The following MKLN1 variants were observed in gnomAD, a reference collection of about 807,000 sequenced individuals.
The protein encoded by MKLN1 is muskelin.
In MKLN1, 18 loss-of-function variants were observed where a neutral mutation model predicts 99.0. That is an observed-to-expected ratio of 0.18 (90% CI 0.13 to 0.27). The LOEUF is 0.27. Ranked by LOEUF, MKLN1 falls within the 10% of genes least tolerant of loss-of-function variation. MKLN1 has a pLI of 1.00. For missense variants in MKLN1, 621 were observed against 875.9 expected, an observed-to-expected ratio of 0.71 and a Z score of 3.67; for synonymous variants, 288 against 293.2, an observed-to-expected ratio of 0.98 and a Z score of 0.18.
Position 131,168,595 on chromosome 7 carries a change from CTTAT to C in MKLN1, c.-297+25660_-297+25663del, listed in dbSNP as rs150240518. On this transcript the variant is annotated intron_variant, in intron 2 of 7. Coordinates refer to the MKLN1 transcript ENST00000416992. Reference sequence around the variant, plus strand: ...CACCACCTGACATATTATGTATTTACTTATTTATTATAATATCATGGCTGAGAAA... The same window carrying C: ...CACCACCTGACATATTATGTATTTACTTATTATAATATCATGGCTGAGAAA... Among the ~76,000 whole-genome samples, 394 of 152,204 alleles carry C rather than the reference CTTAT, an allele frequency of 2.6e-3. 13 individuals carry two copies. The East Asian group carries it at 0.066, about 26-fold the overall frequency.
intron 3 of MKLN1, among the ~76,000 whole-genome samples, chr7:131,210,057 A>C (rs1051920528): frequency 6.6e-6 from 1 of 152,256 alleles, no homozygotes; most frequent in Non-Finnish European, 1.5e-5. Context: ...ATTTGTTTAA[A>C]TCTTGTTGTT....
intron 2 of MKLN1, among the ~76,000 whole-genome samples, chr7:131,156,882 A>T (rs759746583): frequency 2.0e-5 from 3 of 152,186 alleles, no homozygotes; most frequent in Non-Finnish European, 2.9e-5. Flanking sequence ...TCTAACCATA[A>T]TCTCAAGGAC....
At chr7:131,199,652 A>G (rs995123743) in intron 2 of MKLN1, among the ~76,000 whole-genome samples, 1 of 152,148 alleles carries the variant, frequency 6.6e-6, no homozygotes, top group African/African-American at 2.4e-5. Flanking sequence ...TTTACTAGTT[A>G]TACCTCTTTT....
chr7:131,246,232 A>C (rs1255108751), intron 3 of MKLN1, among the ~76,000 whole-genome samples: 1 of 152,150 alleles, frequency 6.6e-6, no homozygotes, highest in Non-Finnish European at 1.5e-5. Flanking sequence ...GGCCCTCTGC[A>C]CCCTGCCTTG....
chr7:131,389,924 A>T (rs2116890556), intron 4 of MKLN1, among the ~76,000 whole-genome samples: 1 of 152,162 alleles, frequency 6.6e-6, no homozygotes, highest in South Asian at 2.1e-4. Flanking sequence ...CTTCTAATTT[A>T]TAACCATGTT....
chr7:131,316,449 A>G (rs1000657883), intron 3 of MKLN1, among the ~76,000 whole-genome samples: 8 of 152,194 alleles, frequency 5.3e-5, no homozygotes, highest in African/African-American at 1.9e-4. Context: ...TCCCATCCAA[A>G]TGTCATCAGC....
chr7:131,214,041 A>C (rs1340037920), intron 3 of MKLN1, among the ~76,000 whole-genome samples: 1 of 152,180 alleles, frequency 6.6e-6, no homozygotes, highest in Non-Finnish European at 1.5e-5. Flanking sequence ...TTTTTCTAGA[A>C]GTATAAAGTT....
upstream of MKLN1, among the ~76,000 whole-genome samples, chr7:131,326,555 C>A (rs946083331): frequency 6.6e-6 from 1 of 152,004 alleles, no homozygotes; most frequent in Non-Finnish European, 1.5e-5. Flanking sequence ...ATGTTGGCCA[C>A]GCTGGTTTCG....
intron 1 of MKLN1, among the ~76,000 whole-genome samples, chr7:131,127,845 A>G (rs1176325162): frequency 6.6e-6 from 1 of 152,220 alleles, no homozygotes; most frequent in Non-Finnish European, 1.5e-5. Context: ...TGGGTTTGGG[A>G]TCACAGATCA....
chr7:131,135,436 G>A (rs1271753500), intron 1 of MKLN1, among the ~76,000 whole-genome samples: 12 of 152,128 alleles, frequency 7.9e-5, no homozygotes, highest in African/African-American at 1.4e-4. Context: ...CCACTTCCGC[G>A]TCAGGAGTTT....
intron 9 of MKLN1, among the ~76,000 whole-genome samples, chr7:131,435,817 A>G (rs1479307075): frequency 6.6e-6 from 1 of 151,870 alleles, no homozygotes; most frequent in Non-Finnish European, 1.5e-5. Context: ...TTATAATTCT[A>G]TCAGTCTTTC....
chr7:131,129,906 G>A (rs1161847576), intron 1 of MKLN1, among the ~76,000 whole-genome samples: 1 of 151,830 alleles, frequency 6.6e-6, no homozygotes, highest in Non-Finnish European at 1.5e-5. Context: ...TATTTTCTCA[G>A]AAAAAAAGAA....
intron 2 of MKLN1, among the ~76,000 whole-genome samples, chr7:131,192,238 A>C (rs1393932528): frequency 4.1e-4 from 38 of 92,244 alleles, no homozygotes; most frequent in African/African-American, 1.7e-3. Flanking sequence ...ACAATATATA[A>C]ATATATAAAA....
upstream of MKLN1, chr7:131,327,818 C>T: frequency 3.9e-6 from 6 of 1,521,722 alleles, no homozygotes; most frequent in Non-Finnish European, 5.2e-6. Flanking sequence ...AGGGCGGCGG[C>T]CCCTTTAAGA....
Position 131,463,242 on chromosome 7 carries a change from A to G in MKLN1, c.1551A>G (p.Arg517=), listed in dbSNP as rs1232931062. 1.2e-6 allele frequency: 2 copies of G among 1,612,078 alleles called. No individual in the cohort carries two copies. The highest frequency in any genetic ancestry group is 1.7e-5 in the Admixed American group (1 of 59,836). Residue 517 remains arginine (R), a synonymous_variant, in exon 13 of 18, where the codon AGA becomes AGG. Transcript: ENST00000352689. ...TTCCAATGACAGGATTTACACAGAG[A>G]GCAACTATTGATCCAGAACTGAATG... ...GMVPMTGFTQ[R]ATIDPELNEI...
At chr7:131,138,132 T>G (rs1215570545) in intron 1 of MKLN1, among the ~76,000 whole-genome samples, 1 of 151,290 alleles carries the variant, frequency 6.6e-6, no homozygotes, top group African/African-American at 2.4e-5. Flanking sequence ...TCCATATTGG[T>G]CAGGCTGGTC....
At chr7:131,486,568 T>C (rs1309279948) in intron 17 of MKLN1, among the ~76,000 whole-genome samples, 1 of 152,114 alleles carries the variant, frequency 6.6e-6, no homozygotes, top group Non-Finnish European at 1.5e-5. Context: ...AATGGTACTC[T>C]AAGTTGAATG....
rs529723999 is a variant in MKLN1, at chr7:131,262,468, C to G, written c.-179+59494C>G. ...AAAAGAAAAGAATAACTCCCCACTACCCCCTCCTCCAAAATGTCTTTAATT... is the reference window on the plus strand; with the variant it reads ...AAAAGAAAAGAATAACTCCCCACTAGCCCCTCCTCCAAAATGTCTTTAATT... On this transcript the variant is annotated intron_variant, in intron 3 of 7. Transcript: ENST00000416992. Among the ~76,000 whole-genome samples the G allele has an allele frequency of 2.0e-4, 30 of 152,134 alleles. 1 individual carries two copies. The highest frequency in any genetic ancestry group is 1.1e-3 in the Admixed American group (17 of 15,274).
intron 2 of MKLN1, among the ~76,000 whole-genome samples, chr7:131,173,146 C>CAG (rs1193367902): frequency 5.3e-5 from 8 of 151,638 alleles, no homozygotes; most frequent in African/African-American, 1.9e-4. Context: ...TACAAACACA[C>CAG]ACACACACAC....
Sources: gnomAD v4.1 joint callset for allele counts (sites outside exome capture counted in the v4.1 genomes callset) on GRCh38, gnomAD v4.1.1 for gene constraint, MANE v1.5 for transcripts, NCBI Gene and HGNC (gene_info 2026-07-23, HGNC 2026-07-21) for gene names.